CNTNAP4: variants seen among roughly 807,000 people sequenced by gnomAD.
CNTNAP4 encodes contactin associated protein family member 4.
In CNTNAP4, 98 loss-of-function variants were observed where a neutral mutation model predicts 148.4. That is an observed-to-expected ratio of 0.66 (90% CI 0.56 to 0.78). The LOEUF is 0.78. Ranked by LOEUF, CNTNAP4 falls within the 30% of genes least tolerant of loss-of-function variation. The probability of loss-of-function intolerance (pLI) is 0.00; values close to 1 mark genes in which losing one functional copy is unlikely to be tolerated. For synonymous variants in CNTNAP4, 730 were observed against 565.1 expected, an observed-to-expected ratio of 1.29 and a Z score of -4.14; for missense variants, 1,935 against 1,565.6, an observed-to-expected ratio of 1.24 and a Z score of -3.98.
At chr16:76,340,607 C>G (rs1016706435) in intron 2 of CNTNAP4, among the ~76,000 whole-genome samples, 7 of 152,110 alleles carry the variant, frequency 4.6e-5, no homozygotes, top group African/African-American at 1.7e-4. Context: ...AAACTTTCTC[C>G]GATGCTTTCA....
intron 3 of CNTNAP4, among the ~76,000 whole-genome samples, chr16:76,418,417 C>G (rs1441019704): frequency 7.7e-6 from 1 of 129,140 alleles, no homozygotes; most frequent in African/African-American, 2.8e-5. Context: ...TTTTATTATA[C>G]TTTAAGTTCT....
chr16:76,483,543 C>G (rs965191633), intron 12 of CNTNAP4, among the ~76,000 whole-genome samples: 1 of 152,150 alleles, frequency 6.6e-6, no homozygotes, highest in Non-Finnish European at 1.5e-5. Context: ...CTGAGCAAAG[C>G]TTATCTAACA....
intron 7 of CNTNAP4, among the ~76,000 whole-genome samples, chr16:76,452,302 A>G (rs1055712562): frequency 3.3e-5 from 5 of 152,178 alleles, no homozygotes; most frequent in African/African-American, 9.7e-5. Flanking sequence ...TTTTAAATTT[A>G]TATTAAAGTT....
At chr16:76,392,160 A>AT (rs1338859215) in intron 3 of CNTNAP4, among the ~76,000 whole-genome samples, 3 of 151,974 alleles carry the variant, frequency 2.0e-5, no homozygotes, top group African/African-American at 7.3e-5. Flanking sequence ...CACCCAGCTA[A>AT]TTTTTGTATT....
intron 1 of CNTNAP4, among the ~76,000 whole-genome samples, chr16:76,280,759 T>C (rs1958656080): frequency 6.6e-6 from 1 of 152,184 alleles, no homozygotes; most frequent in Admixed American, 6.5e-5. Context: ...TTGGTTTCTT[T>C]GCTTGCTACT....
At chr16:76,419,704 C>A (rs1291692728) in intron 3 of CNTNAP4, among the ~76,000 whole-genome samples, 2 of 151,960 alleles carry the variant, frequency 1.3e-5, no homozygotes, top group East Asian at 3.9e-4. Context: ...ATAACCAATA[C>A]CATAGACTGG....
chr16:76,450,245 A>T (rs2080408801), intron 7 of CNTNAP4, among the ~76,000 whole-genome samples: 1 of 151,854 alleles, frequency 6.6e-6, no homozygotes, highest in Non-Finnish European at 1.5e-5. Flanking sequence ...CGCCTCCCAG[A>T]TTCAAGCGAT....
chr16:76,542,876 G>T (rs1487200434), intron 21 of CNTNAP4, among the ~76,000 whole-genome samples: 1 of 152,070 alleles, frequency 6.6e-6, no homozygotes, highest in Non-Finnish European at 1.5e-5. Flanking sequence ...ATTTTAAGTA[G>T]GTTTTCTGTG....
At chr16:76,323,117 G>A (rs1327500163) in intron 2 of CNTNAP4, among the ~76,000 whole-genome samples, 1 of 152,074 alleles carries the variant, frequency 6.6e-6, no homozygotes, top group African/African-American at 2.4e-5. Context: ...TAAGTGCTGA[G>A]GTTACACGCC....
At chr16:76,430,563 G>T (rs1427424844) in intron 4 of CNTNAP4, among the ~76,000 whole-genome samples, 1 of 152,114 alleles carries the variant, frequency 6.6e-6, no homozygotes, top group Admixed American at 6.6e-5. Flanking sequence ...AGTGGGTAGG[G>T]TTTCTTTACT....
At chr16:76,437,351 A>C (rs995326530) in intron 4 of CNTNAP4, among the ~76,000 whole-genome samples, 3 of 152,078 alleles carry the variant, frequency 2.0e-5, no homozygotes, top group Non-Finnish European at 4.4e-5. Flanking sequence ...AGTCCAATCA[A>C]GTTGAGACTC....
intron 2 of CNTNAP4, among the ~76,000 whole-genome samples, chr16:76,342,574 A>C (rs1273536653): frequency 7.0e-6 from 1 of 141,882 alleles, no homozygotes. Flanking sequence ...CGAGGTTCAC[A>C]CCATTCTCCT....
At chr16:76,311,513 T>C (rs1484757257) in intron 1 of CNTNAP4, among the ~76,000 whole-genome samples, 6 of 152,192 alleles carry the variant, frequency 3.9e-5, no homozygotes, top group Non-Finnish European at 7.3e-5. Context: ...TTAAAACATA[T>C]TGTAGATGTA....
intron 10 of CNTNAP4, among the ~76,000 whole-genome samples, chr16:76,473,473 T>C (rs1446513652): frequency 6.6e-6 from 1 of 152,134 alleles, no homozygotes; most frequent in African/African-American, 2.4e-5. Context: ...AAGCAAAATG[T>C]AAAGTTTCCA....
At position 76,346,544 on chromosome 16, in the gene CNTNAP4, C is replaced by T. The variant is rs563657029; in HGVS notation, c.197-8774C>T. On this transcript the variant is annotated intron_variant, in intron 2 of 23. Transcript: ENST00000611870. Reference sequence around the variant, plus strand: ...TGATGTCATTTACTGAAATGACCTGCCTTCCTGTAAAAGATCTAAATCAAA... The same window carrying T: ...TGATGTCATTTACTGAAATGACCTGTCTTCCTGTAAAAGATCTAAATCAAA... 1.1e-3 allele frequency among the ~76,000 whole-genome samples: 166 copies of T among 152,074 alleles called. 1 individual carries two copies. Among genetic ancestry groups the T allele is most frequent in the African/African-American group, 3.8e-3 (156 of 41,512 alleles).
chr16:76,319,445 C>T (rs144810679), intron 2 of CNTNAP4, among the ~76,000 whole-genome samples: 6 of 152,156 alleles, frequency 3.9e-5, no homozygotes, highest in East Asian at 1.9e-4. Context: ...ACTTTCCATT[C>T]GAAGTATGCT....
chr16:76,385,737 G>A (rs28716812), intron 3 of CNTNAP4, among the ~76,000 whole-genome samples: 2 of 152,042 alleles, frequency 1.3e-5, no homozygotes, highest in African/African-American at 2.4e-5. Flanking sequence ...CTTGTTTTAC[G>A]TATGTTTCTG....
chr16:76,463,159 T>C (rs969462675), intron 9 of CNTNAP4, among the ~76,000 whole-genome samples: 5 of 152,234 alleles, frequency 3.3e-5, no homozygotes, highest in Admixed American at 2.0e-4. Context: ...TTTTGGAATA[T>C]ATGATTGATT....
chr16:76,453,747 C>T (rs948923923), intron 8 of CNTNAP4, among the ~76,000 whole-genome samples: 5 of 151,794 alleles, frequency 3.3e-5, no homozygotes, highest in African/African-American at 1.2e-4. Flanking sequence ...TATACAAATG[C>T]CTATTATTTA....
Sources: allele counts gnomAD v4.1 joint callset (sites outside exome capture counted in the v4.1 genomes callset), GRCh38; gene constraint gnomAD v4.1.1; transcripts MANE v1.5; gene names NCBI Gene and HGNC (gene_info 2026-07-23, HGNC 2026-07-21).